BDP1: variants seen among roughly 807,000 people sequenced by gnomAD.
BDP1 encodes the protein BDP1 general transcription factor IIIB subunit.
In BDP1, 169 loss-of-function variants were observed where a neutral mutation model predicts 266.6. That is an observed-to-expected ratio of 0.63 (90% CI 0.56 to 0.72). The LOEUF is 0.72. BDP1 is among the 30% of genes least tolerant of loss of function. The probability of loss-of-function intolerance (pLI) is 0.00; values close to 1 mark genes in which losing one functional copy is unlikely to be tolerated. For missense variants in BDP1, 3,015 were observed against 3,053.8 expected, an observed-to-expected ratio of 0.99 and a Z score of 0.30; for synonymous variants, 1,090 against 1,022.4, an observed-to-expected ratio of 1.07 and a Z score of -1.26.
chr5:71,468,622 T>TA (rs1450425940), intron 6 of BDP1, among the ~76,000 whole-genome samples: 1 of 151,406 alleles, frequency 6.6e-6, no homozygotes, highest in Non-Finnish European at 1.5e-5. Context: ...TTTTTTTTTT[T>TA]TGAGATGGAG....
intron 8 of BDP1, among the ~76,000 whole-genome samples, chr5:71,486,274 C>G (rs555080417): frequency 6.6e-6 from 1 of 152,012 alleles, no homozygotes; most frequent in South Asian, 2.1e-4. Flanking sequence ...TTATTTGTTT[C>G]GTTGCTGAGT....
chr5:71,510,717 C>T lies in BDP1; in HGVS notation c.3625C>T (p.Pro1209Ser). 6.2e-7 allele frequency: 1 copy of T among 1,613,898 alleles called. No individual in the cohort carries two copies. The highest frequency in any genetic ancestry group is 8.5e-7 in the Non-Finnish European group (1 of 1,179,944). The change falls in exon 17 of 39, where the codon CCA becomes TCA. Residue 1209 changes from proline to serine, a missense_variant. By Grantham distance (74) the Pro-to-Ser change is moderately conservative (BLOSUM62 -1). This residue lies in a region of BDP1 where 2,383 missense variants were observed against 2,404.9 expected (regional missense o/e 0.99). Coordinates refer to ENST00000358731, the MANE Select transcript of BDP1 (RefSeq NM_018429.3). ...DLEETEREIS[P>S]QENGPEEVKP... Reference sequence around the variant, plus strand: ...GGAAGAAACTGAAAGAGAAATATCGCCACAGGAAAATGGCCCAGAGGAGGT... The same window carrying T: ...GGAAGAAACTGAAAGAGAAATATCGTCACAGGAAAATGGCCCAGAGGAGGT...
intron 33 of BDP1, among the ~76,000 whole-genome samples, chr5:71,549,180 G>A (rs1742564275): frequency 6.6e-6 from 1 of 152,220 alleles, no homozygotes; most frequent in Non-Finnish European, 1.5e-5. Context: ...GGAGGTTGCA[G>A]TGAGCCGAGA....
intron 7 of BDP1, among the ~76,000 whole-genome samples, chr5:71,473,536 G>T (rs1762399120): frequency 6.6e-6 from 1 of 152,014 alleles, no homozygotes; most frequent in Non-Finnish European, 1.5e-5. Context: ...GCCTCCCAAA[G>T]TGCTGGAATT....
chr5:71,504,001 A>T (rs1313536732), intron 15 of BDP1, among the ~76,000 whole-genome samples: 2 of 151,416 alleles, frequency 1.3e-5, no homozygotes, highest in Non-Finnish European at 2.9e-5. Context: ...GACCAGGCGC[A>T]GTGGCTCATG....
intron 25 of BDP1, among the ~76,000 whole-genome samples, chr5:71,524,841 C>A (rs1445697495): frequency 2.3e-4 from 34 of 148,928 alleles, no homozygotes; most frequent in Admixed American, 2.2e-3. Context: ...TGACTCTTAA[C>A]GAGCATGCTG....
rs1185744606 is a variant in BDP1, at chr5:71,455,979, C to T, written c.102C>T (p.Pro34=). The part of the protein sequence containing the change: ...ASNPQRGRES[P]RPPDPATDSA... ...ATCCCCAGCGTGGACGGGAGTCTCC[C>T]AGGCCGCCGGATCCTGCCACGGACT... The change falls in exon 1 of 39, where the codon CCC becomes CCT. Residue 34 remains proline (P), a synonymous_variant. Transcript: ENST00000358731. 1 of 1,613,256 alleles carries T rather than the reference C, an allele frequency of 6.2e-7. No homozygotes were observed. Among genetic ancestry groups the T allele is most frequent in the Non-Finnish European group, 8.5e-7 (1 of 1,179,946 alleles).
the BDP1 span, among the ~76,000 whole-genome samples, chr5:71,573,046 T>A: frequency 6.6e-6 from 1 of 151,900 alleles, no homozygotes. Flanking sequence ...CTGGGCAACA[T>A]GGTGAAACCC....
chr5:71,464,154 AT>A (rs770894016), intron 4 of BDP1, 37 bp downstream of exon 4: 1 of 1,271,216 alleles, frequency 7.9e-7, no homozygotes, highest in East Asian at 2.4e-5. Context: ...CTATTCCTAC[AT>A]TTTTTAAGAA....
At chr5:71,503,041 G>A (rs1185142768) in intron 15 of BDP1, among the ~76,000 whole-genome samples, 1 of 147,894 alleles carries the variant, frequency 6.8e-6, no homozygotes, top group African/African-American at 2.5e-5. Context: ...CTCCAGCCTA[G>A]GCGACAGAGC....
In BDP1 at chr5:71,565,109, A is replaced by G; in HGVS notation, c.*224A>G. 1 of 468,780 alleles carries G rather than the reference A, an allele frequency of 2.1e-6. No individual in the cohort carries two copies. Among genetic ancestry groups the G allele is most frequent in the African/African-American group, 2.0e-5 (1 of 50,610 alleles). The allele number at this position is 468,780 out of a possible 1,614,324, so 29.0% of individuals were successfully genotyped here. ...GCATTTTGCAAATAGCAAGCAATTA[A>G]GACTGCTTTCTCAGACAGAAATAAC... is the stretch of plus-strand genomic sequence containing the variant. On this transcript the variant is annotated 3_prime_UTR_variant, in exon 39 of 39. Coordinates refer to ENST00000358731, the MANE Select transcript of BDP1 (RefSeq NM_018429.3).
chr5:71,482,805 TA>T (rs1482058608), intron 7 of BDP1, among the ~76,000 whole-genome samples: 1 of 152,234 alleles, frequency 6.6e-6, no homozygotes, highest in Non-Finnish European at 1.5e-5. Flanking sequence ...TATGATCTTT[TA>T]AGGCAGAAAT....
chr5:71,566,471 G>C lies in BDP1; in HGVS notation c.*1586G>C, dbSNP rs1744040366. The C allele has an allele frequency of 6.6e-6, 1 of 152,112 alleles. No individual in the cohort carries two copies. Among genetic ancestry groups the C allele is most frequent in the African/African-American group, 2.4e-5 (1 of 41,402 alleles). The allele number at this position is 152,112 out of a possible 1,614,324, so 9.4% of individuals were successfully genotyped here. ...TTATCTACCCAAGCAGATCTGTAGT[G>C]GTTCCAATTAGACTTCTCAAACAGC... On this transcript the variant is annotated 3_prime_UTR_variant, in exon 39 of 39. Transcript: ENST00000358731.
At chr5:71,519,254 T>C (rs1280405661) in intron 22 of BDP1, among the ~76,000 whole-genome samples, 2 of 152,052 alleles carry the variant, frequency 1.3e-5, no homozygotes, top group Admixed American at 6.6e-5. Context: ...TTATACACAA[T>C]ATATAATTAC....
chr5:71,570,034 G>A (rs1384124721), downstream of BDP1, among the ~76,000 whole-genome samples: 5 of 152,142 alleles, frequency 3.3e-5, no homozygotes, highest in Non-Finnish European at 5.9e-5. Flanking sequence ...CTTATCTCAT[G>A]GGTTAAGGAA....
chr5:71,565,036 T>C lies in BDP1; in HGVS notation c.*151T>C. 1.4e-6 allele frequency: 1 copy of C among 707,538 alleles called. No homozygotes were observed. The highest frequency in any genetic ancestry group is 2.2e-6 in the Non-Finnish European group (1 of 444,764). 43.8% of individuals were successfully genotyped at this position (707,538 alleles called of 1,614,324 possible). A position where few individuals can be genotyped will look rare whatever the true frequency, so the allele number is the denominator to read the frequency against. On this transcript the variant is annotated 3_prime_UTR_variant, in exon 39 of 39. Coordinates refer to ENST00000358731, the MANE Select transcript of BDP1 (RefSeq NM_018429.3). ...TAATGAGCTTGATTTGAAGCTTTTA[T>C]AATCAGTGGAAAACATTTCTGAGGT...
intron 34 of BDP1, among the ~76,000 whole-genome samples, chr5:71,551,669 C>CT: frequency 6.6e-6 from 1 of 152,140 alleles, no homozygotes. Context: ...GGGCTCTTCA[C>CT]TTCCCAGCAG....
chr5:71,488,563 G>T (rs1169527567), intron 9 of BDP1, among the ~76,000 whole-genome samples: 1 of 151,794 alleles, frequency 6.6e-6, no homozygotes, highest in South Asian at 2.1e-4. Context: ...CAAGTAGCTG[G>T]GATTACAGGC....
intron 25 of BDP1, among the ~76,000 whole-genome samples, chr5:71,530,370 G>C (rs966298294): frequency 9.2e-5 from 14 of 151,810 alleles, no homozygotes; most frequent in African/African-American, 3.4e-4. Flanking sequence ...GAGTAGCTGG[G>C]ACTACAGGTG....
Sources: gnomAD v4.1 joint callset for allele counts (sites outside exome capture counted in the v4.1 genomes callset) on GRCh38, gnomAD v4.1.1 for gene constraint, gnomAD v4.1.1 regional missense constraint, MANE v1.5 for transcripts, NCBI Gene and HGNC (gene_info 2026-07-23, HGNC 2026-07-21) for gene names.